Variants in TCF12 observed in about 807,000 individuals in gnomAD.
The protein encoded by TCF12 is DNA-binding protein HTF4.
In TCF12, 45 loss-of-function variants were observed where a neutral mutation model predicts 86.0. The observed-to-expected ratio is 0.52, with a 90% CI of 0.41 to 0.67. The LOEUF is 0.67. Among genes scored for constraint, TCF12 ranks in the 30% least tolerant of loss-of-function variants. TCF12 has a pLI of 0.00. For missense variants in TCF12, 881 were observed against 859.9 expected (o/e 1.02, Z -0.31); for synonymous variants, 330 against 299.6 (o/e 1.10, Z -1.05).
At chr15:56,920,487 CGTGTGTGTGT>C (rs71113033) in intron 2 of TCF12, among the ~76,000 whole-genome samples, 22 of 146,960 alleles carry the variant, frequency 1.5e-4, no homozygotes, top group African/African-American at 5.5e-4. Flanking sequence ...CACACACACA[CGTGTGTGTGT>C]GTGTGTGTGT....
intron 6 of TCF12, among the ~76,000 whole-genome samples, chr15:57,171,042 G>C (rs1426517303): frequency 6.6e-6 from 1 of 150,846 alleles, no homozygotes; most frequent in Non-Finnish European, 1.5e-5. Flanking sequence ...CAACTCCTCT[G>C]TGTAAGCCAA....
intron 19 of TCF12, among the ~76,000 whole-genome samples, chr15:57,274,448 T>C (rs2061288093): frequency 6.6e-6 from 1 of 152,206 alleles, no homozygotes; most frequent in Admixed American, 6.5e-5. Context: ...CTGTGGAGTA[T>C]AAATGTTAAT....
In TCF12 at chr15:56,952,174, G is replaced by C. The variant is rs1005535920; in HGVS notation, c.148+31076G>C. On this transcript the variant is annotated intron_variant, in intron 3 of 20. Transcript: ENST00000333725. ...AAATAGTTTATTGTTTATAAAAAAG[G>C]CTTTTTTGTGTATATACACACACAC... is the stretch of plus-strand genomic sequence containing the variant. Among the ~76,000 whole-genome samples the C allele has an allele frequency of 4.1e-5, 3 of 73,370 alleles. No homozygotes were observed. The Admixed American group carries it at 5.8e-4, about 14-fold the overall frequency. The allele number at this position is 73,370 out of a possible 152,430, so 48.1% of individuals were successfully genotyped here. A position where few individuals can be genotyped will look rare whatever the true frequency, so the allele number is the denominator to read the frequency against.
Position 57,222,227 on chromosome 15 carries a change from G to GTT in TCF12, c.580-8913_580-8912dup, listed in dbSNP as rs200716679. Among the ~76,000 whole-genome samples, 1,244 of 143,854 alleles carry GTT rather than the reference G, an allele frequency of 8.6e-3. 5 individuals carry two copies. Among genetic ancestry groups the GTT allele is most frequent in the Middle Eastern group, 0.014 (4 of 280 alleles). The allele number at this position is 143,854 out of a possible 152,430, so 94.4% of individuals were successfully genotyped here. A position where few individuals can be genotyped will look rare whatever the true frequency, so the allele number is the denominator to read the frequency against. ...GAAAGCTTTCTTTCCCTTTTTTCCA[G>GTT]TTTTTTTTTTTTTAGTTTTCGAGTT... On this transcript the variant is annotated intron_variant, in intron 8 of 20. Coordinates refer to ENST00000333725, the MANE Select transcript of TCF12 (RefSeq NM_207037.2).
intron 8 of TCF12, among the ~76,000 whole-genome samples, chr15:57,216,447 A>G (rs140974024): frequency 3.2e-4 from 49 of 152,116 alleles, no homozygotes; most frequent in African/African-American, 1.1e-3. Flanking sequence ...AGTGCATGAC[A>G]GTTCAGAACT....
chr15:57,231,520 T>C (rs1239844982), intron 9 of TCF12, among the ~76,000 whole-genome samples: 1 of 152,174 alleles, frequency 6.6e-6, no homozygotes, highest in Non-Finnish European at 1.5e-5. Context: ...TTAATAGAGC[T>C]GTTCTTGCTC....
chr15:57,231,084 G>T, intron 8 of TCF12, 68 bp from the exon 9 acceptor site: 3 of 1,226,530 alleles, frequency 2.4e-6, no homozygotes, highest in South Asian at 1.2e-5. Flanking sequence ...ACAGAATATA[G>T]AACTCATTTT....
At chr15:57,192,368 G>C in intron 7 of TCF12, 75 bp downstream of exon 7, 2 of 1,520,188 alleles carry the variant, frequency 1.3e-6, no homozygotes, top group Non-Finnish European at 1.8e-6. Context: ...TGTACTTCTG[G>C]CTATGCTTTT....
intron 15 of TCF12, among the ~76,000 whole-genome samples, chr15:57,252,797 G>A (rs909037464): frequency 6.6e-6 from 1 of 151,990 alleles, no homozygotes; most frequent in East Asian, 1.9e-4. Context: ...AACATATCTG[G>A]ATATGTTCAC....
intron 6 of TCF12, among the ~76,000 whole-genome samples, chr15:57,172,164 A>G (rs1456231222): frequency 6.6e-6 from 1 of 152,198 alleles, no homozygotes; most frequent in Non-Finnish European, 1.5e-5. Context: ...ATAAAATAAT[A>G]AAAGAGTTGA....
intron 3 of TCF12, among the ~76,000 whole-genome samples, chr15:56,980,685 G>C (rs904091628): frequency 1.2e-4 from 19 of 152,122 alleles, no homozygotes; most frequent in Non-Finnish European, 5.9e-5. Context: ...CCACTACTGT[G>C]ACAGCCAGAT....
intron 8 of TCF12, among the ~76,000 whole-genome samples, chr15:57,228,409 A>G (rs552643460): frequency 2.6e-5 from 4 of 152,160 alleles, no homozygotes; most frequent in East Asian, 1.9e-4. Context: ...CAAAAATGAT[A>G]TAGTAGGATT....
chr15:57,236,048 A>C (rs1198849246), intron 12 of TCF12, among the ~76,000 whole-genome samples: 1 of 152,214 alleles, frequency 6.6e-6, no homozygotes, highest in Non-Finnish European at 1.5e-5. Flanking sequence ...TTTGGTTGTC[A>C]TGGAAACTCA....
intron 5 of TCF12, among the ~76,000 whole-genome samples, chr15:57,140,818 C>G (rs1211271678): frequency 6.6e-6 from 1 of 152,194 alleles, no homozygotes; most frequent in African/African-American, 2.4e-5. Context: ...CTATCTTACT[C>G]TGCAATTTGA....
At chr15:56,921,714 C>G (rs992518675) in intron 3 of TCF12, among the ~76,000 whole-genome samples, 2 of 151,962 alleles carry the variant, frequency 1.3e-5, no homozygotes, top group African/African-American at 4.8e-5. Context: ...AACCAACTGT[C>G]AAATCTCTGG....
chr15:57,047,404 T>G (rs1249238220), intron 3 of TCF12, among the ~76,000 whole-genome samples: 2 of 152,206 alleles, frequency 1.3e-5, no homozygotes, highest in Non-Finnish European at 2.9e-5. Flanking sequence ...CCAGCTTACT[T>G]TGAGAAAGAT....
intron 8 of TCF12, among the ~76,000 whole-genome samples, chr15:57,208,790 C>T (rs1316330114): frequency 6.6e-6 from 1 of 151,898 alleles, no homozygotes; most frequent in African/African-American, 2.4e-5. Flanking sequence ...TCGCTGCGGC[C>T]TCAAACTCCT....
intron 5 of TCF12, among the ~76,000 whole-genome samples, chr15:57,119,092 T>C (rs575714178): frequency 1.3e-5 from 2 of 152,078 alleles, no homozygotes; most frequent in Middle Eastern, 3.2e-3. Context: ...CTCACAGGTT[T>C]TCTTTCTTTT....
At chr15:57,222,995 A>G (rs2058675278) in intron 8 of TCF12, among the ~76,000 whole-genome samples, 1 of 151,782 alleles carries the variant, frequency 6.6e-6, no homozygotes, top group Non-Finnish European at 1.5e-5. Flanking sequence ...AATTCAAGCT[A>G]GACGCACATT....
Sources: allele counts gnomAD v4.1 joint callset (sites outside exome capture counted in the v4.1 genomes callset), GRCh38; gene constraint gnomAD v4.1.1; transcripts MANE v1.5; gene names NCBI Gene and HGNC (gene_info 2026-07-23, HGNC 2026-07-21).